Variants in TENM2 observed in about 807,000 individuals in gnomAD.
TENM2 encodes the protein teneurin-2.
Under a neutral mutation model 245.2 loss-of-function variants are expected in TENM2, and 52 were observed. The ratio of observed to expected loss-of-function variants is 0.21; its 90% CI spans 0.17 to 0.27. TENM2 has a LOEUF of 0.27. Ranked by LOEUF, TENM2 falls within the 10% of genes least tolerant of loss-of-function variation. The pLI, the probability that TENM2 is intolerant of heterozygous loss-of-function variation, is 1.00. For missense variants in TENM2, 3,046 were observed against 3,666.8 expected (o/e 0.83, Z 4.37); for synonymous variants, 1,363 against 1,438.9 (o/e 0.95, Z 1.19).
chr5:167,512,325 A>T (rs962551561), intron 2 of TENM2, among the ~76,000 whole-genome samples: 1 of 152,180 alleles, frequency 6.6e-6, no homozygotes, highest in African/African-American at 2.4e-5. Flanking sequence ...CATGGCCCAC[A>T]CAGCTGTTAA....
chr5:167,230,557 G>A, the TENM2 span, among the ~76,000 whole-genome samples: 4 of 151,994 alleles, frequency 2.6e-5, no homozygotes, highest in African/African-American at 9.7e-5. Context: ...GAGTTTTAAC[G>A]GCTTTCAAAT....
chr5:167,756,343 A>C (rs1270503346), intron 2 of TENM2, among the ~76,000 whole-genome samples: 4 of 152,100 alleles, frequency 2.6e-5, no homozygotes, highest in Admixed American at 2.6e-4. Context: ...ACTCAACCCC[A>C]CAACACAAGC....
intron 9 of TENM2, among the ~76,000 whole-genome samples, chr5:168,103,418 G>A (rs912336692): frequency 1.3e-5 from 2 of 152,066 alleles, no homozygotes; most frequent in African/African-American, 4.8e-5. Flanking sequence ...TTCTCATCCA[G>A]GATCCCACAT....
intron 2 of TENM2, among the ~76,000 whole-genome samples, chr5:167,818,354 A>T (rs1309157101): frequency 1.2e-4 from 18 of 152,224 alleles, no homozygotes. Context: ...GATGTGGTTC[A>T]TGCATGTGTG....
the TENM2 span, among the ~76,000 whole-genome samples, chr5:167,108,244 G>A: frequency 6.6e-6 from 1 of 152,134 alleles, no homozygotes; most frequent in African/African-American, 2.4e-5. Flanking sequence ...TCATGCCTCA[G>A]TGTCCTGAGT....
the TENM2 span, among the ~76,000 whole-genome samples, chr5:167,190,485 C>A: frequency 1.3e-5 from 2 of 151,932 alleles, no homozygotes; most frequent in Non-Finnish European, 2.9e-5. Context: ...ATGTTTGGAA[C>A]CTTGAAAACC....
intron 27 of TENM2, among the ~76,000 whole-genome samples, chr5:168,259,377 C>T (rs1767980930): frequency 1.3e-5 from 2 of 151,996 alleles, no homozygotes; most frequent in East Asian, 1.9e-4. Context: ...CACCTGAGGT[C>T]GGGAGTTCGA....
chr5:168,254,145 C>T (rs1243754682), intron 27 of TENM2, among the ~76,000 whole-genome samples: 5 of 152,250 alleles, frequency 3.3e-5, no homozygotes, highest in Non-Finnish European at 7.3e-5. Context: ...AGGGAGAACG[C>T]GCTTTGGCGG....
At chr5:167,967,713 A>T (rs1448096150) in intron 4 of TENM2, among the ~76,000 whole-genome samples, 1 of 152,230 alleles carries the variant, frequency 6.6e-6, no homozygotes, top group Non-Finnish European at 1.5e-5. Context: ...CATGCATTGT[A>T]AGAGCAAGAC....
chr5:167,771,129 C>T (rs1177869230), intron 2 of TENM2, among the ~76,000 whole-genome samples: 1 of 152,036 alleles, frequency 6.6e-6, no homozygotes, highest in Non-Finnish European at 1.5e-5. Context: ...CTACTTCAAT[C>T]GGTCACTCTC....
chr5:167,997,874 T>C (rs1463984633), intron 5 of TENM2, among the ~76,000 whole-genome samples: 1 of 152,180 alleles, frequency 6.6e-6, no homozygotes, highest in Non-Finnish European at 1.5e-5. Flanking sequence ...TCCACATCTC[T>C]ATTACAAAAA....
the TENM2 span, among the ~76,000 whole-genome samples, chr5:167,191,766 C>A: frequency 6.6e-6 from 1 of 151,898 alleles, no homozygotes; most frequent in Non-Finnish European, 1.5e-5. Context: ...AAATGCACTC[C>A]CAATAGAATC....
intron 2 of TENM2, among the ~76,000 whole-genome samples, chr5:167,389,837 A>T (rs1226354506): frequency 1.3e-5 from 2 of 152,154 alleles, no homozygotes; most frequent in Admixed American, 6.6e-5. Flanking sequence ...CAAATTACGG[A>T]TCGAAATATT....
the TENM2 span, among the ~76,000 whole-genome samples, chr5:167,063,849 C>T: frequency 6.6e-6 from 1 of 152,134 alleles, no homozygotes; most frequent in Non-Finnish European, 1.5e-5. Flanking sequence ...ATTTAATAGC[C>T]TATATATTCA....
chr5:167,289,192 C>T (rs780687071), intron 1 of TENM2, among the ~76,000 whole-genome samples: 4 of 152,162 alleles, frequency 2.6e-5, no homozygotes, highest in African/African-American at 9.7e-5. Context: ...ATTCTATGCC[C>T]TCCCTTATGG....
intron 3 of TENM2, among the ~76,000 whole-genome samples, chr5:167,899,811 A>C (rs901090615): frequency 6.6e-6 from 1 of 152,204 alleles, no homozygotes; most frequent in Non-Finnish European, 1.5e-5. Flanking sequence ...TGCTGGGCAC[A>C]TGACCAAGTG....
intron 2 of TENM2, among the ~76,000 whole-genome samples, chr5:167,706,789 T>C (rs1216789523): frequency 6.6e-6 from 1 of 150,688 alleles, no homozygotes; most frequent in East Asian, 2.0e-4. Flanking sequence ...CCGAGGCGGG[T>C]GGATCACGAG....
intron 2 of TENM2, among the ~76,000 whole-genome samples, chr5:167,587,491 G>C (rs1775586462): frequency 6.6e-6 from 1 of 152,150 alleles, no homozygotes; most frequent in South Asian, 2.1e-4. Flanking sequence ...ATACCAGTGG[G>C]TCGGATCAAT....
chr5:167,217,327 A>G, the TENM2 span, among the ~76,000 whole-genome samples: 2 of 152,290 alleles, frequency 1.3e-5, no homozygotes, highest in East Asian at 1.9e-4. Flanking sequence ...TTTTAAAACA[A>G]TTATTATTAA....
Sources: gnomAD v4.1 joint callset for allele counts (sites outside exome capture counted in the v4.1 genomes callset) on GRCh38, gnomAD v4.1.1 for gene constraint, MANE v1.5 for transcripts, NCBI Gene and HGNC (gene_info 2026-07-23, HGNC 2026-07-21) for gene names.